TANC1: variants seen among roughly 807,000 people sequenced by gnomAD.
The protein encoded by TANC1 is tetratricopeptide repeat, ankyrin repeat and coiled-coil containing 1.
A neutral mutation model predicts 149.7 loss-of-function variants in TANC1; 77 were observed. That is an observed-to-expected ratio of 0.51 (90% CI 0.43 to 0.62). The LOEUF is 0.62. Among genes scored for constraint, TANC1 ranks in the 20% least tolerant of loss-of-function variants. The probability of loss-of-function intolerance (pLI) is 0.00; values close to 1 mark genes in which losing one functional copy is unlikely to be tolerated. For missense variants in TANC1, 1,985 were observed against 2,321.8 expected (o/e 0.85, Z 2.98); for synonymous variants, 854 against 925.0 (o/e 0.92, Z 1.39).
chr2:159,127,040 G>T (rs1375970513), intron 4 of TANC1, among the ~76,000 whole-genome samples: 3 of 152,188 alleles, frequency 2.0e-5, no homozygotes, highest in Non-Finnish European at 4.4e-5. Context: ...TACTCATGAT[G>T]CTATAAACAT....
At chr2:159,179,499 A>C (rs907588102) in intron 14 of TANC1, among the ~76,000 whole-genome samples, 3 of 151,940 alleles carry the variant, frequency 2.0e-5, no homozygotes, top group Non-Finnish European at 2.9e-5. Context: ...AGGATCATGC[A>C]TGGGAATGTG....
intron 4 of TANC1, among the ~76,000 whole-genome samples, chr2:159,133,694 A>T (rs758829216): frequency 6.6e-6 from 1 of 152,206 alleles, no homozygotes; most frequent in Admixed American, 6.5e-5. Context: ...TGAATAGCCT[A>T]CATCCCGCAC....
chr2:159,089,286 A>G (rs948018686), intron 3 of TANC1, among the ~76,000 whole-genome samples: 4 of 152,032 alleles, frequency 2.6e-5, no homozygotes, highest in African/African-American at 7.2e-5. Context: ...GTTTTTTTGC[A>G]CTTGTGAGTT....
chr2:159,086,911 T>C (rs2044932635), intron 3 of TANC1, among the ~76,000 whole-genome samples: 1 of 152,134 alleles, frequency 6.6e-6, no homozygotes, highest in Admixed American at 6.5e-5. Flanking sequence ...AACTGATTTT[T>C]TTTTTTTAAT....
intron 2 of TANC1, among the ~76,000 whole-genome samples, chr2:159,032,659 C>A (rs2039878927): frequency 6.6e-6 from 1 of 152,142 alleles, no homozygotes; most frequent in African/African-American, 2.4e-5. Context: ...CACTGTCCCT[C>A]CATTCTCTTA....
chr2:159,141,300 A>G (rs538478025), intron 5 of TANC1, among the ~76,000 whole-genome samples: 4 of 152,354 alleles, frequency 2.6e-5, no homozygotes, highest in Admixed American at 2.6e-4. Context: ...AGACACAGAC[A>G]TTCAGACTAT....
At chr2:159,089,426 C>A (rs1003172366) in intron 3 of TANC1, among the ~76,000 whole-genome samples, 8 of 152,178 alleles carry the variant, frequency 5.3e-5, no homozygotes, top group African/African-American at 1.4e-4. Flanking sequence ...TCCACCCCTC[C>A]CTGCTCCTTG....
intron 1 of TANC1, among the ~76,000 whole-genome samples, chr2:158,997,992 A>G (rs542911095): frequency 5.5e-4 from 84 of 152,362 alleles, no homozygotes; most frequent in Non-Finnish European, 9.6e-4. Flanking sequence ...CACAACCAGC[A>G]GTAAACCATG....
At chr2:159,025,707 A>T (rs966589334) in intron 2 of TANC1, among the ~76,000 whole-genome samples, 1 of 152,026 alleles carries the variant, frequency 6.6e-6, no homozygotes, top group Admixed American at 6.6e-5. Context: ...CCATATTTTT[A>T]TTTATTTCTT....
intron 3 of TANC1, among the ~76,000 whole-genome samples, chr2:159,069,404 T>A (rs1233885130): frequency 6.6e-6 from 1 of 152,178 alleles, no homozygotes; most frequent in Non-Finnish European, 1.5e-5. Context: ...TGCTTTATGT[T>A]AGGACCTTGA....
chr2:159,219,106 T>C (rs1431742033), intron 20 of TANC1, 132 bp from the exon 21 acceptor site: 1 of 1,193,242 alleles, frequency 8.4e-7, no homozygotes. Flanking sequence ...CCAGGCCCCA[T>C]GGTTCACACA....
At chr2:159,169,178 T>C (rs1175623732) in intron 8 of TANC1, 72 bp from the exon 9 acceptor site, 3 of 1,237,534 alleles carry the variant, frequency 2.4e-6, no homozygotes, top group Non-Finnish European at 2.3e-6. Context: ...TAGTGATTTA[T>C]AAGTTATAGT....
intron 4 of TANC1, among the ~76,000 whole-genome samples, chr2:159,117,731 T>A (rs1415243790): frequency 1.4e-4 from 18 of 129,506 alleles, no homozygotes; most frequent in African/African-American, 4.5e-4. Flanking sequence ...TTTTTTTTTT[T>A]AAAGCTTATT....
chr2:159,202,708 G>C (rs958155880), intron 19 of TANC1, among the ~76,000 whole-genome samples: 8 of 152,078 alleles, frequency 5.3e-5, no homozygotes, highest in African/African-American at 1.4e-4. Flanking sequence ...GGATGCCAAG[G>C]CTCTTGGCTC....
intron 2 of TANC1, among the ~76,000 whole-genome samples, chr2:159,055,592 A>G (rs1417537280): frequency 6.6e-6 from 1 of 152,178 alleles, no homozygotes; most frequent in Non-Finnish European, 1.5e-5. Flanking sequence ...AAATTCTTTA[A>G]AAAGAACCAG....
At position 159,171,871 on chromosome 2, in the gene TANC1, A is replaced by AGAAAAG. The variant is rs1553599447; in HGVS notation, c.1352-250_1352-249insGAAAAG. 2.4e-3 allele frequency among the ~76,000 whole-genome samples: 258 copies of AGAAAAG among 105,592 alleles called. 3 individuals are homozygous for AGAAAAG. Among genetic ancestry groups the AGAAAAG allele is most frequent in the African/African-American group, 7.8e-3 (235 of 29,970 alleles). The allele number at this position is 105,592 out of a possible 152,430, so 69.3% of individuals were successfully genotyped here. ...GACTCCGCCTTAAAAAAAAAAAAAAAAAAAGAAAAAGAAAAAAAAAATTTA... is the reference window on the plus strand; with the variant it reads ...GACTCCGCCTTAAAAAAAAAAAAAAAGAAAAGAAAAGAAAAAGAAAAAAAAAATTTA... On this transcript the variant is annotated intron_variant, in intron 10 of 26. Coordinates refer to ENST00000263635, the MANE Select transcript of TANC1 (RefSeq NM_033394.3).
intron 2 of TANC1, among the ~76,000 whole-genome samples, chr2:159,025,189 T>TTTTCTTTTTCTTTCTTTC (rs1553519915): frequency 1.9e-5 from 2 of 105,222 alleles, no homozygotes; most frequent in Admixed American, 1.1e-4. Context: ...TTTTTCTTTC[T>TTTTCTTTTTCTTTCTTTC]TTTCTTTCTT....
intron 3 of TANC1, among the ~76,000 whole-genome samples, chr2:159,070,847 T>C (rs536321437): frequency 2.6e-4 from 40 of 152,312 alleles, no homozygotes; most frequent in African/African-American, 9.6e-4. Context: ...AGCACAGATA[T>C]CTAATTGCAG....
At chr2:159,228,699 C>T (rs540623531) in intron 25 of TANC1, 97 bp from the exon 26 acceptor site, 2 of 807,302 alleles carry the variant, frequency 2.5e-6, no homozygotes, top group East Asian at 2.4e-5. Context: ...CTGGCTGTGC[C>T]TCAGAGCGCT....
Sources: allele counts gnomAD v4.1 joint callset (sites outside exome capture counted in the v4.1 genomes callset), GRCh38; gene constraint gnomAD v4.1.1; transcripts MANE v1.5; gene names NCBI Gene and HGNC (gene_info 2026-07-23, HGNC 2026-07-21).